The following GABBR2 variants were observed in gnomAD, a reference collection of about 807,000 sequenced individuals.
GABBR2 encodes the protein gamma-aminobutyric acid type B receptor subunit 2.
Under a neutral mutation model 105.6 loss-of-function variants are expected in GABBR2, and 23 were observed. The observed-to-expected ratio is 0.22, with a 90% CI of 0.16 to 0.31. The LOEUF (loss-of-function observed/expected upper bound fraction) is 0.31. GABBR2 is among the 10% of genes least tolerant of loss of function. The pLI is 1.00. For missense variants in GABBR2, 734 were observed against 1,245.5 expected (o/e 0.59, Z 6.18); for synonymous variants, 478 against 499.7 (o/e 0.96, Z 0.58).
intron 8 of GABBR2, among the ~76,000 whole-genome samples, chr9:98,404,611 C>T (rs534872650): frequency 1.7e-4 from 26 of 152,184 alleles, no homozygotes; most frequent in Admixed American, 1.3e-3. Flanking sequence ...TTCATCTAGT[C>T]GTTTTGGCTA....
chr9:98,371,681 C>A, intron 11 of GABBR2, 110 bp from the exon 12 acceptor site: 1 of 657,752 alleles, frequency 1.5e-6, no homozygotes, highest in East Asian at 2.7e-5. Flanking sequence ...AAATACTCCC[C>A]TCTGCATATA....
At chr9:98,524,756 C>T (rs564614791) in intron 3 of GABBR2, among the ~76,000 whole-genome samples, 71 of 152,172 alleles carry the variant, frequency 4.7e-4, no homozygotes, top group African/African-American at 1.7e-3. Flanking sequence ...CAAGTCACCA[C>T]CACCCTCTAC....
rs758979522 is a variant in GABBR2 at position 98,334,750 on chromosome 9, C to T, written c.1894-23545G>A. ...GGTGGTTCACAGGTTGTCTCAGCCT[C>T]CTCTGACATGAACAGAGCATCTTTG... On this transcript the variant is annotated intron_variant, in intron 13 of 18. Transcript: ENST00000259455. Among the ~76,000 whole-genome samples, 3 of 152,172 alleles carry T rather than the reference C, an allele frequency of 2.0e-5. No individual in the cohort carries two copies. In the East Asian group the frequency reaches 5.8e-4, roughly 29 times the overall value.
intron 1 of GABBR2, among the ~76,000 whole-genome samples, chr9:98,650,417 T>C (rs72743831): frequency 0.076 from 11,630 of 152,300 alleles, 490 homozygotes; most frequent in African/African-American, 0.094. Context: ...GAATTGTGCC[T>C]GGCACACAAT....
chr9:98,625,668 T>G (rs1829727797), intron 1 of GABBR2, among the ~76,000 whole-genome samples: 1 of 152,212 alleles, frequency 6.6e-6, no homozygotes, highest in Non-Finnish European at 1.5e-5. Context: ...CATCAAGGAC[T>G]CACACACAGC....
intron 7 of GABBR2, among the ~76,000 whole-genome samples, chr9:98,426,739 G>A (rs1825701046): frequency 6.6e-6 from 1 of 152,312 alleles, no homozygotes; most frequent in South Asian, 2.1e-4. Context: ...GGCTCATGCT[G>A]TAATTCTAGC....
At chr9:98,417,448 C>T (rs576311148) in intron 7 of GABBR2, among the ~76,000 whole-genome samples, 1 of 152,278 alleles carries the variant, frequency 6.6e-6, no homozygotes, top group Non-Finnish European at 1.5e-5. Context: ...TGTTGGCTAA[C>T]ACTATTTCTT....
chr9:98,431,085 T>C (rs1825800287), intron 7 of GABBR2, among the ~76,000 whole-genome samples: 1 of 152,020 alleles, frequency 6.6e-6, no homozygotes, highest in South Asian at 2.1e-4. Context: ...CTTATCTGCT[T>C]GGCTCACTCT....
chr9:98,521,398 A>G (rs1296508064), intron 3 of GABBR2, among the ~76,000 whole-genome samples: 4 of 152,158 alleles, frequency 2.6e-5, no homozygotes, highest in African/African-American at 9.7e-5. Flanking sequence ...AGGCTGGGCC[A>G]CAGAAGGGTG....
At chr9:98,450,171 A>T (rs1031624946) in intron 7 of GABBR2, among the ~76,000 whole-genome samples, 2 of 152,168 alleles carry the variant, frequency 1.3e-5, no homozygotes, top group African/African-American at 4.8e-5. Context: ...CACCCAGACT[A>T]AGATGTCTGC....
At chr9:98,555,163 A>G (rs1828563185) in intron 2 of GABBR2, among the ~76,000 whole-genome samples, 1 of 152,254 alleles carries the variant, frequency 6.6e-6, no homozygotes, top group Non-Finnish European at 1.5e-5. Flanking sequence ...TAGGAGAATT[A>G]GATGGTATTT....
intron 1 of GABBR2, among the ~76,000 whole-genome samples, chr9:98,680,972 G>T (rs1183656675): frequency 6.6e-6 from 1 of 152,174 alleles, no homozygotes; most frequent in African/African-American, 2.4e-5. Context: ...ACATAGTAAA[G>T]AGTTAAATAT....
chr9:98,324,274 T>G (rs1830879343), intron 13 of GABBR2, among the ~76,000 whole-genome samples: 1 of 152,182 alleles, frequency 6.6e-6, no homozygotes, highest in Admixed American at 6.5e-5. Flanking sequence ...ATCTTAGATT[T>G]TACAGTGTGT....
intron 1 of GABBR2, among the ~76,000 whole-genome samples, chr9:98,604,205 G>A (rs1378633706): frequency 1.3e-5 from 2 of 152,144 alleles, no homozygotes; most frequent in Non-Finnish European, 2.9e-5. Context: ...CTGATGATCC[G>A]GGTACACACT....
intron 9 of GABBR2, among the ~76,000 whole-genome samples, chr9:98,391,403 C>T (rs1832177810): frequency 1.3e-5 from 2 of 152,146 alleles, no homozygotes. Context: ...AGGATTTGAA[C>T]TCAGATCTGC....
At chr9:98,602,409 G>A (rs1321828317) in intron 1 of GABBR2, among the ~76,000 whole-genome samples, 1 of 149,546 alleles carries the variant, frequency 6.7e-6, no homozygotes, top group Non-Finnish European at 1.5e-5. Context: ...GAGGCAGAGG[G>A]TGCAGTGAGC....
chr9:98,348,283 C>T (rs1326689657), intron 13 of GABBR2, among the ~76,000 whole-genome samples: 3 of 152,148 alleles, frequency 2.0e-5, no homozygotes, highest in East Asian at 3.8e-4. Flanking sequence ...TATTCTGTTC[C>T]GTTGGTCTAT....
intron 13 of GABBR2, among the ~76,000 whole-genome samples, chr9:98,339,872 C>A (rs530609765): frequency 3.3e-5 from 5 of 152,244 alleles, no homozygotes; most frequent in African/African-American, 1.2e-4. Flanking sequence ...CTAGTGTAGT[C>A]ATCATGGCTG....
intron 3 of GABBR2, among the ~76,000 whole-genome samples, chr9:98,497,279 C>A (rs1827300026): frequency 1.3e-5 from 2 of 152,156 alleles, no homozygotes; most frequent in African/African-American, 4.8e-5. Context: ...CAGAACAAAA[C>A]AAAACAAAAG....
Sources: gnomAD v4.1 joint callset for allele counts (sites outside exome capture counted in the v4.1 genomes callset) on GRCh38, gnomAD v4.1.1 for gene constraint, MANE v1.5 for transcripts, NCBI Gene and HGNC (gene_info 2026-07-23, HGNC 2026-07-21) for gene names.